Variants in FGF13 observed in about 807,000 individuals in gnomAD.
The protein encoded by FGF13 is fibroblast growth factor homologous factor 2.
FGF13 carries 2 observed loss-of-function variants against 19.5 expected under a neutral mutation model. The observed-to-expected ratio is 0.10, with a 90% CI of 0.04 to 0.32. The LOEUF is 0.32. Ranked by LOEUF, FGF13 falls within the 10% of genes least tolerant of loss-of-function variation. FGF13 has a pLI of 1.00. For missense variants in FGF13, 113 were observed against 192.7 expected, an observed-to-expected ratio of 0.59 and a Z score of 2.45; for synonymous variants, 72 against 76.9, an observed-to-expected ratio of 0.94 and a Z score of 0.33.
chrX:139,054,894 G>GTA (rs2092315982), intron 1 of FGF13, among the ~76,000 whole-genome samples: 1 of 85,991 alleles, frequency 1.2e-5, no homozygotes, highest in African/African-American at 4.9e-5. Context: ...GTTGTGTTGT[G>GTA]TTGTGTTGTA....
intron 1 of FGF13, among the ~76,000 whole-genome samples, chrX:139,028,548 T>A (rs1224249401): frequency 9.2e-6 from 1 of 108,763 alleles, no homozygotes; most frequent in Non-Finnish European, 1.9e-5. Flanking sequence ...CCACCATATG[T>A]TTCAGTTAAG....
rs971822113 is a variant in FGF13 at position 138,621,839 on chromosome X, T to C, written c.*11011A>G. On this transcript the variant is annotated 3_prime_UTR_variant, in exon 5 of 5. Transcript: ENST00000315930. ...ACAATTATACACAAGTTGGGTAATCTAGAAGAAACAGATAAATTTCTAGAA... is the reference window on the plus strand; with the variant it reads ...ACAATTATACACAAGTTGGGTAATCCAGAAGAAACAGATAAATTTCTAGAA... 2 of 111,125 alleles carry C rather than the reference T, an allele frequency of 1.8e-5. No individual in the cohort carries two copies. The highest frequency in any genetic ancestry group is 3.8e-5 in the Non-Finnish European group (2 of 52,948). 9.2% of individuals were successfully genotyped at this position (111,125 alleles called of 1,213,427 possible).
At chrX:139,008,722 T>C (rs1332445755) in intron 1 of FGF13, among the ~76,000 whole-genome samples, 1 of 111,649 alleles carries the variant, frequency 9.0e-6, no homozygotes, top group Non-Finnish European at 1.9e-5. Flanking sequence ...TCCCAGATCT[T>C]CCCCTGACAT....
In FGF13 at chrX:138,711,525, G is replaced by A. The variant is rs2090050640; in HGVS notation, c.-522C>T. On this transcript the variant is annotated 5_prime_UTR_variant, in exon 1 of 5. Coordinates refer to ENST00000315930, the MANE Select transcript of FGF13 (RefSeq NM_004114.5). ...GCGCGGGGGAGCGCGCCCTCGCCCT[G>A]GCCCCTCCGAGTCTTCGACTAGTCC... 9.3e-6 allele frequency: 7 copies of A among 756,251 alleles called. No homozygotes were observed. The highest frequency in any genetic ancestry group is 1.1e-5 in the Non-Finnish European group (7 of 640,098). 62.3% of individuals were successfully genotyped at this position (756,251 alleles called of 1,213,427 possible).
chrX:139,080,232 C>A (rs184764436), intron 1 of FGF13, among the ~76,000 whole-genome samples: 1 of 111,778 alleles, frequency 8.9e-6, no homozygotes, highest in Non-Finnish European at 1.9e-5. Context: ...GATCACCAAC[C>A]TCCTTGCTGT....
chrX:139,031,371 A>G (rs1043505962), intron 1 of FGF13, among the ~76,000 whole-genome samples: 23 of 111,414 alleles, frequency 2.1e-4, no homozygotes, highest in Non-Finnish European at 3.4e-4. Flanking sequence ...AAGAGCATCT[A>G]ATTCAATTTT....
intron 1 of FGF13, among the ~76,000 whole-genome samples, chrX:138,932,319 G>A (rs2091706098): frequency 8.9e-6 from 1 of 111,879 alleles, no homozygotes; most frequent in African/African-American, 3.3e-5. Context: ...AATGGCTCAC[G>A]CCTGTAATCC....
At chrX:139,136,237 G>A (rs137888665) in intron 1 of FGF13, among the ~76,000 whole-genome samples, 1,214 of 111,105 alleles carry the variant, frequency 0.011, 19 homozygotes, top group African/African-American at 0.037. Context: ...TGGTGTACAC[G>A]TGGCTTTTGG....
intron 2 of FGF13, among the ~76,000 whole-genome samples, chrX:138,861,215 G>C (rs2091286503): frequency 8.9e-6 from 1 of 111,806 alleles, no homozygotes; most frequent in South Asian, 3.8e-4. Flanking sequence ...ATGGTAAGAG[G>C]AGAGAGTTTA....
intron 3 of FGF13, among the ~76,000 whole-genome samples, chrX:138,839,002 C>T (rs1178503068): frequency 1.8e-5 from 2 of 111,185 alleles, no homozygotes; most frequent in African/African-American, 6.6e-5. Context: ...AATTTAATTG[C>T]CAATGTGATG....
chrX:138,840,606 C>A (rs1432605071), intron 3 of FGF13, among the ~76,000 whole-genome samples: 1 of 111,629 alleles, frequency 9.0e-6, no homozygotes. Context: ...CCTCCCCATA[C>A]CTGACTCTCA....
chrX:139,052,219 G>C (rs779053120), intron 1 of FGF13, among the ~76,000 whole-genome samples: 5 of 110,622 alleles, frequency 4.5e-5, no homozygotes, highest in Non-Finnish European at 9.5e-5. Flanking sequence ...CTAATATGAA[G>C]ATATTTCAAA....
intron 3 of FGF13, among the ~76,000 whole-genome samples, chrX:138,696,413 T>C (rs973877994): frequency 1.8e-5 from 2 of 111,822 alleles, no homozygotes; most frequent in Non-Finnish European, 3.8e-5. Flanking sequence ...ACAGTGGTGA[T>C]GGTTGGACAG....
chrX:138,967,482 T>C, intron 1 of FGF13, among the ~76,000 whole-genome samples: 1 of 111,514 alleles, frequency 9.0e-6, no homozygotes, highest in Admixed American at 9.6e-5. Flanking sequence ...AGGTGGCAGG[T>C]CTTCCAATGT....
intron 1 of FGF13, among the ~76,000 whole-genome samples, chrX:139,032,015 G>A (rs994822740): frequency 8.1e-5 from 9 of 111,031 alleles, no homozygotes; most frequent in African/African-American, 2.3e-4. Flanking sequence ...AACCTAGGCC[G>A]TGATCTTCAT....
intron 3 of FGF13, among the ~76,000 whole-genome samples, chrX:138,765,145 A>T (rs908923134): frequency 8.9e-6 from 1 of 112,180 alleles, no homozygotes; most frequent in African/African-American, 3.2e-5. Context: ...CTGTGAAATG[A>T]GGCAATAATA....
intron 1 of FGF13, among the ~76,000 whole-genome samples, chrX:138,892,032 G>GTA (rs386417616): frequency 7.4e-5 from 8 of 108,301 alleles, no homozygotes; most frequent in African/African-American, 2.4e-4. Flanking sequence ...GTGTGTGTGT[G>GTA]TATTATCTCC....
At chrX:139,040,251 G>A (rs1166635386) in intron 1 of FGF13, among the ~76,000 whole-genome samples, 1 of 112,103 alleles carries the variant, frequency 8.9e-6, no homozygotes, top group East Asian at 2.8e-4. Flanking sequence ...CCAATGCCTG[G>A]CCACATCATG....
At chrX:139,187,365 G>A (rs1321589972) in intron 1 of FGF13, among the ~76,000 whole-genome samples, 1 of 112,504 alleles carries the variant, frequency 8.9e-6, no homozygotes, top group Non-Finnish European at 1.9e-5. Flanking sequence ...AAAAATTCAT[G>A]GCCTACTAAT....
Sources: gnomAD v4.1 joint callset for allele counts (sites outside exome capture counted in the v4.1 genomes callset) on GRCh38, gnomAD v4.1.1 for gene constraint, MANE v1.5 for transcripts, NCBI Gene and HGNC (gene_info 2026-07-23, HGNC 2026-07-21) for gene names.